The following LDB3 variants were observed in gnomAD, a reference collection of about 807,000 sequenced individuals.
LDB3 encodes LIM domain binding 3.
Under a neutral mutation model 69.0 loss-of-function variants are expected in LDB3, and 49 were observed. The observed-to-expected ratio is 0.71, with a 90% CI of 0.56 to 0.90. LDB3 has a LOEUF of 0.90. LDB3 is among the 40% of genes least tolerant of loss of function. The probability of loss-of-function intolerance (pLI) is 0.00; values close to 1 mark genes in which losing one functional copy is unlikely to be tolerated. For synonymous variants in LDB3, 387 were observed against 396.2 expected, an observed-to-expected ratio of 0.98 and a Z score of 0.28; for missense variants, 928 against 974.1, an observed-to-expected ratio of 0.95 and a Z score of 0.63.
intron 9 of LDB3, 31 bp downstream of exon 9, chr10:86,710,081 G>T: frequency 6.2e-7 from 1 of 1,608,298 alleles, no homozygotes. Flanking sequence ...GGAGGCTGTC[G>T]AAAGCCATGG....
chr10:86,692,520 C>T lies in LDB3; in HGVS notation c.860-15C>T, dbSNP rs727503126. On this transcript the variant is annotated splice_polypyrimidine_tract_variant and intron_variant, in intron 6 of 13. Coordinates refer to ENST00000361373, the MANE Select transcript of LDB3 (RefSeq NM_007078.3). ...TCTCCCGTGAGTCCCCTGACCAGCT[C>T]CTTTCTACCAACAGTGCAAGACCCT... 8 of 1,614,116 alleles carry T rather than the reference C, an allele frequency of 5.0e-6. No homozygotes were observed. The highest frequency in any genetic ancestry group is 1.1e-5 in the South Asian group (1 of 91,088).
At chr10:86,718,673 G>A in intron 11 of LDB3, 54 bp from the exon 12 acceptor site, 3 of 1,613,604 alleles carry the variant, frequency 1.9e-6, no homozygotes, top group Non-Finnish European at 2.5e-6. Context: ...TGGTGGGGTA[G>A]TCAAGCCCGC....
intron 5 of LDB3, chr10:86,686,923 G>T (rs928292652): frequency 2.6e-6 from 2 of 765,526 alleles, no homozygotes; most frequent in Non-Finnish European, 2.3e-6. Context: ...GACTTGTGTA[G>T]CCTATGGGGG....
At position 86,699,680 on chromosome 10, in the gene LDB3, G is replaced by A. The variant is rs1846172959; in HGVS notation, c.897-6851G>A. The stretch of plus-strand genomic sequence containing the variant: ...TAGCTGTAGACCAGAGAGGGCAGGA[G>A]GGGTTTGCTGGCATAACACCCCAGA... On this transcript the variant is annotated intron_variant, in intron 7 of 13. Coordinates refer to ENST00000361373, the MANE Select transcript of LDB3 (RefSeq NM_007078.3). The surrounding 1 kb of genome is among the most constrained non-coding windows in gnomAD (Gnocchi z 4.9). The A allele has an allele frequency of 3.2e-6, 4 of 1,237,448 alleles. No individual in the cohort carries two copies. The Admixed American group carries it at 1.0e-4, about 32-fold the overall frequency. 76.7% of individuals were successfully genotyped at this position (1,237,448 alleles called of 1,614,324 possible).
At chr10:86,726,056 C>T in intron 12 of LDB3, 81 bp from the exon 13 acceptor site, 1 of 882,780 alleles carries the variant, frequency 1.1e-6, no homozygotes, top group African/African-American at 1.6e-5. Flanking sequence ...TGCTTCTGCC[C>T]ACTGATTTGG....
At chr10:86,703,020 A>C (rs931000335) in intron 7 of LDB3, among the ~76,000 whole-genome samples, 1 of 152,162 alleles carries the variant, frequency 6.6e-6, no homozygotes, top group Non-Finnish European at 1.5e-5. Flanking sequence ...CCTGGAATCC[A>C]GGGTTCATTT....
chr10:86,714,011 C>T (rs185064194), intron 9 of LDB3, among the ~76,000 whole-genome samples: 1 of 152,352 alleles, frequency 6.6e-6, no homozygotes, highest in Non-Finnish European at 1.5e-5. Flanking sequence ...GACAGTACAT[C>T]TGACCCTGAC....
rs767567837 is a variant in LDB3, at chr10:86,687,271, G to A, written c.690-4625G>A. On this transcript the variant is annotated intron_variant, in intron 5 of 13. Transcript: ENST00000361373. ...CCAAGCCCAAGGCAGTGACTTCAGTGGGTAAGCGCCTCCCTCCTCCACCGC... is the reference window on the plus strand; with the variant it reads ...CCAAGCCCAAGGCAGTGACTTCAGTAGGTAAGCGCCTCCCTCCTCCACCGC... 2 of 1,613,950 alleles carry A rather than the reference G, an allele frequency of 1.2e-6. No individual in the cohort carries two copies. Among genetic ancestry groups the A allele is most frequent in the Non-Finnish European group, 8.5e-7 (1 of 1,179,964 alleles).
In LDB3 at chr10:86,681,487, G is replaced by A. The variant is rs779162531; in HGVS notation, c.373G>A (p.Glu125Lys). 6.2e-7 allele frequency: 1 copy of A among 1,609,204 alleles called. No homozygotes were observed. The highest frequency in any genetic ancestry group is 1.1e-5 in the South Asian group (1 of 91,046). ...GSLVAPSPSP[E>K]ARASPGTPGT... ...CCTGGTGGCACCCAGCCCCAGCCCT[G>A]AGGCGAGGGCCAGCCCAGGCACCCC... is the stretch of plus-strand genomic sequence containing the variant. Residue 125 changes from glutamate to lysine, a missense_variant, in exon 5 of 14, where the codon GAG becomes AAG. Physicochemically the swap from Glu to Lys is moderately conservative, Grantham distance 56. Coordinates refer to ENST00000361373, the MANE Select transcript of LDB3 (RefSeq NM_007078.3).
chr10:86,679,341 A>AC (rs764279910), intron 2 of LDB3, 26 bp from the exon 3 acceptor site: 2 of 1,613,220 alleles, frequency 1.2e-6, no homozygotes, highest in African/African-American at 1.3e-5. Context: ...CCTTATGCTC[A>AC]CCCCCCACCT....
intron 12 of LDB3, among the ~76,000 whole-genome samples, chr10:86,722,142 T>C (rs4525132): frequency 0.19 from 28,590 of 152,228 alleles, 3,310 homozygotes; most frequent in East Asian, 0.57. Flanking sequence ...ATCAGACCCA[T>C]GCTACCAAAT....
intron 2 of LDB3, among the ~76,000 whole-genome samples, chr10:86,678,435 G>A (rs774545352): frequency 1.1e-4 from 17 of 150,942 alleles, no homozygotes; most frequent in Admixed American, 8.6e-4. Context: ...TGCCTCCTGG[G>A]TTCAAGCAAT....
At chr10:86,706,843 A>G in intron 8 of LDB3, 124 bp downstream of exon 8, 2 of 1,001,000 alleles carry the variant, frequency 2.0e-6, no homozygotes, top group South Asian at 3.2e-5. Context: ...GAGGAAGCCA[A>G]GGCCAGCGCT....
chr10:86,673,363 G>T (rs1844591853), intron 2 of LDB3, among the ~76,000 whole-genome samples: 1 of 152,218 alleles, frequency 6.6e-6, no homozygotes, highest in African/African-American at 2.4e-5. Context: ...AAGGCAGACG[G>T]CTGTGTGTGA....
Position 86,709,906 on chromosome 10 carries a change from C to T in LDB3, c.1087C>T (p.Pro363Ser). 6.2e-7 allele frequency: 1 copy of T among 1,609,932 alleles called. No individual in the cohort carries two copies. Among genetic ancestry groups the T allele is most frequent in the South Asian group, 1.1e-5 (1 of 91,056 alleles). The change falls in exon 9 of 14, where the codon CCC becomes TCC. Residue 363 changes from proline to serine, a missense_variant and splice_region_variant. Coordinates refer to ENST00000361373, the MANE Select transcript of LDB3 (RefSeq NM_007078.3). ...PASSPADSPRPQASSYSPAVA... is the reference protein window; with the variant it reads ...PASSPADSPRSQASSYSPAVA... Reference sequence around the variant, plus strand: ...TAACCCCTCCCCGCTTGGTTCCAGGCCCCAGGCCTCTTCCTACAGCCCCGC... The same window carrying T: ...TAACCCCTCCCCGCTTGGTTCCAGGTCCCAGGCCTCTTCCTACAGCCCCGC...
chr10:86,674,687 C>T (rs955567433), intron 2 of LDB3, among the ~76,000 whole-genome samples: 2 of 152,104 alleles, frequency 1.3e-5, no homozygotes, highest in Admixed American at 6.5e-5. Flanking sequence ...TGCTCAAAGG[C>T]GGCTAGAAAG....
Position 86,718,786 on chromosome 10 carries a change from C to G in LDB3, c.1917C>G (p.Cys639Trp), listed in dbSNP as rs1190390565. ...WHTTCFVCAA[C>W]KKPFGNSLFH... Reference sequence around the variant, plus strand: ...CCACCTGCTTCGTCTGTGCGGCCTGCAAGAAGCCTTTTGGGAACAGCCTCT... The same window carrying G: ...CCACCTGCTTCGTCTGTGCGGCCTGGAAGAAGCCTTTTGGGAACAGCCTCT... The change falls in exon 12 of 14, where the codon TGC becomes TGG. Residue 639 changes from cysteine (C) to tryptophan (W), a missense_variant. Physicochemically the swap from Cys to Trp is radical, Grantham distance 215. Coordinates refer to ENST00000361373, the MANE Select transcript of LDB3 (RefSeq NM_007078.3). 1 of 1,614,178 alleles carries G rather than the reference C, an allele frequency of 6.2e-7. No homozygotes were observed.
chr10:86,685,974 C>T (rs936343864), intron 5 of LDB3, among the ~76,000 whole-genome samples: 3 of 152,106 alleles, frequency 2.0e-5, no homozygotes, highest in African/African-American at 2.4e-5. Flanking sequence ...GGGTTGGTGA[C>T]GGTGGCGGGC....
intron 5 of LDB3, chr10:86,685,825 G>A (rs1291617416): frequency 3.5e-6 from 4 of 1,144,906 alleles, no homozygotes; most frequent in Non-Finnish European, 5.3e-6. Flanking sequence ...TGTATGAGTG[G>A]GGTACACTTG....
Sources: allele counts gnomAD v4.1 joint callset (sites outside exome capture counted in the v4.1 genomes callset), GRCh38; gene constraint gnomAD v4.1.1; non-coding constraint Gnocchi (gnomAD v3.1); transcripts MANE v1.5; gene names NCBI Gene and HGNC (gene_info 2026-07-23, HGNC 2026-07-21).